ZFHX3: variants seen among roughly 807,000 people sequenced by gnomAD.
ZFHX3 encodes the protein zinc finger homeobox protein 3.
Under a neutral mutation model 279.1 loss-of-function variants are expected in ZFHX3, and 42 were observed. The observed-to-expected ratio is 0.15, with a 90% CI of 0.12 to 0.19. The LOEUF is 0.19. Ranked by LOEUF, ZFHX3 falls within the 10% of genes least tolerant of loss-of-function variation. The probability of loss-of-function intolerance (pLI) is 1.00; values close to 1 mark genes in which losing one functional copy is unlikely to be tolerated. For missense variants in ZFHX3, 4,981 were observed against 4,754.0 expected (o/e 1.05, Z -1.40); for synonymous variants, 2,293 against 1,957.8 (o/e 1.17, Z -4.52).
At chr16:73,119,040 A>G (rs1050674379) in intron 7 of ZFHX3, among the ~76,000 whole-genome samples, 3 of 152,148 alleles carry the variant, frequency 2.0e-5, no homozygotes, top group African/African-American at 7.2e-5. Flanking sequence ...GGATGGTACT[A>G]TCATGTAAAT....
chr16:72,924,839 A>T (rs966368487), intron 3 of ZFHX3, among the ~76,000 whole-genome samples: 1 of 152,028 alleles, frequency 6.6e-6, no homozygotes, highest in Non-Finnish European at 1.5e-5. Flanking sequence ...TTCTCTTCTT[A>T]TTAAACTAAC....
At position 73,802,066 on chromosome 16, in the gene ZFHX3, C is replaced by A. The variant is rs185293597; in HGVS notation, c.-1608+89585G>T. ...AGTGTGTCAGTCCTGTCAAAGGTAA[C>A]AAATGCATCAGTGACCGCAGTGATG... On this transcript the variant is annotated intron_variant, in intron 1 of 17. Transcript: ENST00000641206. Among the ~76,000 whole-genome samples the A allele has an allele frequency of 1.7e-3, 254 of 152,300 alleles. 1 individual carries two copies. Among genetic ancestry groups the A allele is most frequent in the Non-Finnish European group, 2.9e-3 (198 of 68,014 alleles).
chr16:73,227,229 A>C (rs1261321933), intron 5 of ZFHX3, among the ~76,000 whole-genome samples: 1 of 152,224 alleles, frequency 6.6e-6, no homozygotes, highest in Non-Finnish European at 1.5e-5. Flanking sequence ...AAGTTTTGAC[A>C]ATATTCTTTT....
chr16:73,354,473 T>TG (rs376351216), intron 3 of ZFHX3, among the ~76,000 whole-genome samples: 4 of 152,318 alleles, frequency 2.6e-5, no homozygotes, highest in African/African-American at 7.2e-5. Flanking sequence ...AGCTCTGTGC[T>TG]GGGGGGCATG....
intron 5 of ZFHX3, among the ~76,000 whole-genome samples, chr16:73,227,801 A>G (rs2012646159): frequency 7.7e-6 from 1 of 129,772 alleles, no homozygotes; most frequent in African/African-American, 2.8e-5. Flanking sequence ...GTGAGTCGAG[A>G]TTGCACCACT....
At chr16:73,645,741 A>G (rs2052612874) in intron 2 of ZFHX3, among the ~76,000 whole-genome samples, 1 of 152,244 alleles carries the variant, frequency 6.6e-6, no homozygotes, top group African/African-American at 2.4e-5. Context: ...TGAAAAGCAT[A>G]AAAAGCCATT....
At chr16:73,196,788 G>A (rs1210401913) in intron 5 of ZFHX3, among the ~76,000 whole-genome samples, 2 of 152,164 alleles carry the variant, frequency 1.3e-5, no homozygotes, top group African/African-American at 4.8e-5. Context: ...GAGGTTTTGA[G>A]AGGACTCTAC....
chr16:73,330,603 T>C (rs2015783459), intron 3 of ZFHX3, among the ~76,000 whole-genome samples: 1 of 152,158 alleles, frequency 6.6e-6, no homozygotes, highest in South Asian at 2.1e-4. Context: ...TGAAGTGGGC[T>C]TGAGCAAGAA....
chr16:72,876,080 T>C (rs3923463), intron 4 of ZFHX3, among the ~76,000 whole-genome samples: 99,723 of 152,144 alleles, frequency 0.66, 33,338 homozygotes, highest in African/African-American at 0.79. Context: ...AGTTTTTCTA[T>C]CCAAAAACTA....
intron 5 of ZFHX3, among the ~76,000 whole-genome samples, chr16:73,209,218 A>G (rs2011917636): frequency 6.6e-6 from 1 of 152,368 alleles, no homozygotes; most frequent in South Asian, 2.1e-4. Context: ...GCATGTTAAT[A>G]TAAGTAATAT....
intron 4 of ZFHX3, among the ~76,000 whole-genome samples, chr16:73,277,550 G>C (rs1213849584): frequency 6.6e-6 from 1 of 152,186 alleles, no homozygotes; most frequent in Non-Finnish European, 1.5e-5. Flanking sequence ...AAATCCTCAT[G>C]ACTTTGTCCG....
At chr16:73,860,413 T>C (rs1478711063) in intron 1 of ZFHX3, among the ~76,000 whole-genome samples, 1 of 151,966 alleles carries the variant, frequency 6.6e-6, no homozygotes, top group Non-Finnish European at 1.5e-5. Context: ...TGGCAATTTT[T>C]CTAGTCCCAC....
At chr16:73,872,539 T>C (rs1283845426) in intron 1 of ZFHX3, among the ~76,000 whole-genome samples, 5 of 151,946 alleles carry the variant, frequency 3.3e-5, no homozygotes, top group East Asian at 3.9e-4. Flanking sequence ...GGCCAGGTGA[T>C]CCTTTCTTAA....
chr16:72,957,794 GGCTGCCGCCGCC>G lies in ZFHX3; in HGVS notation c.2340_2351del (p.Ala781_Ala784del). On this transcript the variant is annotated inframe_deletion, in exon 2 of 10. Transcript: ENST00000268489. ...GGGCCCCGCAGGAGCTACTGATATT[GGCTGCCGCCGCC>G]GCCGCAGCCACCGCCGCCGCCGCCG... 1.2e-6 allele frequency: 2 copies of G among 1,610,812 alleles called. No individual in the cohort carries two copies. Among genetic ancestry groups the G allele is most frequent in the African/African-American group, 1.3e-5 (1 of 74,928 alleles).
intron 2 of ZFHX3, among the ~76,000 whole-genome samples, chr16:72,953,333 C>T (rs559248223): frequency 6.6e-6 from 1 of 151,206 alleles, no homozygotes; most frequent in East Asian, 1.9e-4. Flanking sequence ...CATCCCTTAA[C>T]GGGGACGAAG....
intron 3 of ZFHX3, among the ~76,000 whole-genome samples, chr16:72,942,556 C>T (rs1960462176): frequency 6.6e-6 from 1 of 152,136 alleles, no homozygotes; most frequent in Admixed American, 6.5e-5. Flanking sequence ...GAAATTAGAC[C>T]TCCTTGCTGC....
intron 1 of ZFHX3, among the ~76,000 whole-genome samples, chr16:73,779,724 C>G (rs527896423): frequency 3.3e-5 from 5 of 152,128 alleles, no homozygotes; most frequent in Non-Finnish European, 7.3e-5. Context: ...AATCCCAAGC[C>G]TTTCCTTTTT....
chr16:72,930,915 T>C (rs571321984), intron 3 of ZFHX3, among the ~76,000 whole-genome samples: 2 of 152,350 alleles, frequency 1.3e-5, no homozygotes, highest in East Asian at 3.9e-4. Context: ...AATATCATAT[T>C]TGATAGTAAT....
chr16:73,817,753 A>G (rs1960615300), intron 1 of ZFHX3, among the ~76,000 whole-genome samples: 1 of 152,182 alleles, frequency 6.6e-6, no homozygotes, highest in South Asian at 2.1e-4. Context: ...CCAGATACTC[A>G]TTAGTACTGC....
Sources: gnomAD v4.1 joint callset for allele counts (sites outside exome capture counted in the v4.1 genomes callset) on GRCh38, gnomAD v4.1.1 for gene constraint, MANE v1.5 for transcripts, NCBI Gene and HGNC (gene_info 2026-07-23, HGNC 2026-07-21) for gene names.